The following TTN variants were observed in gnomAD, a reference collection of about 807,000 sequenced individuals.
TTN encodes titin.
TTN carries 1,525 observed loss-of-function variants against 3,223.0 expected under a neutral mutation model. That is an observed-to-expected ratio of 0.47 (90% CI 0.45 to 0.49). TTN has a LOEUF of 0.49. TTN is among the 20% of genes least tolerant of loss of function. The pLI is 0.00. For synonymous variants in TTN, 14,094 were observed against 15,161.0 expected, an observed-to-expected ratio of 0.93 and a Z score of 5.17; for missense variants, 40,786 against 43,424.0, an observed-to-expected ratio of 0.94 and a Z score of 5.40.
At position 178,567,127 on chromosome 2, in the gene TTN, A is replaced by G. The variant is rs1575691834; in HGVS notation, c.79005T>C (p.Thr26335=). ...EKRETSRLAW[T]VVASEVVTNS... ...TGGTCACAACTTCTGAAGCAACAAC[A>G]GTCCAGGCAAGTCGACTGGTTTCTC... Residue 26335 remains threonine (T), a synonymous_variant, in exon 326 of 363, where the codon ACT becomes ACC. Coordinates refer to ENST00000589042, the MANE Select transcript of TTN (RefSeq NM_001267550.2). The G allele has an allele frequency of 6.2e-7, 1 of 1,613,426 alleles. No individual in the cohort carries two copies. The highest frequency in any genetic ancestry group is 1.7e-5 in the Admixed American group (1 of 59,974).
intron 72 of TTN, 42 bp from the exon 73 acceptor site, chr2:178,724,185 A>G (rs1251087579): frequency 6.3e-7 from 1 of 1,585,988 alleles, no homozygotes; most frequent in African/African-American, 1.4e-5. Flanking sequence ...ATTTGAAAGA[A>G]TAGAAGAGAC....
In TTN at chr2:178,544,031, A is replaced by G. The variant is rs1274429401; in HGVS notation, c.96113T>C (p.Val32038Ala). 4 of 1,613,662 alleles carry G rather than the reference A, an allele frequency of 2.5e-6. No individual in the cohort carries two copies. The Admixed American group carries it at 6.7e-5, about 27-fold the overall frequency. ...AGASLRLMVS[V>A]SGRPPPVITW... ...TATGACAGGAGGTGGTCTTCCAGAT[A>G]CAGACACCATCAAGCGCAAGGAGGC... Residue 32038 changes from valine to alanine, a missense_variant, in exon 346 of 363, where the codon GTA becomes GCA. Physicochemically the swap from Val to Ala is moderately conservative, Grantham distance 64. Coordinates refer to ENST00000589042, the MANE Select transcript of TTN (RefSeq NM_001267550.2).
Position 178,565,880 on chromosome 2 carries a change from G to T in TTN, c.80252C>A (p.Ala26751Asp), listed in dbSNP as rs912122514. ...SFKVENLTEG[A>D]IYYFRVMAEN... Reference sequence around the variant, plus strand: ...AGCCATGACTCTGAAGTAATAAATGGCTCCTTCTGTAAGGTTTTCCACTTT... The same window carrying T: ...AGCCATGACTCTGAAGTAATAAATGTCTCCTTCTGTAAGGTTTTCCACTTT... The change falls in exon 326 of 363, where the codon GCC becomes GAC. Residue 26751 changes from alanine to aspartate, a missense_variant. By Grantham distance (126) the Ala-to-Asp change is moderately radical. Transcript: ENST00000589042. 3 of 1,613,588 alleles carry T rather than the reference G, an allele frequency of 1.9e-6. No individual in the cohort carries two copies. Among genetic ancestry groups the T allele is most frequent in the Admixed American group, 1.7e-5 (1 of 59,984 alleles).
Position 178,568,379 on chromosome 2 carries a change from G to C in TTN, c.77753C>G (p.Thr25918Arg). ...GTAGTTGGTGATTTGGCAGCCCCCT[G>C]TATATAATGGAGGGTTCCAAGATAA... Reference protein sequence around the residue: ...ITLSWNPPLYTGGCQITNYIV... With the variant: ...ITLSWNPPLYRGGCQITNYIV... The change falls in exon 326 of 363, where the codon ACA (threonine) becomes AGA (arginine). Residue 25918 changes from threonine to arginine, a missense_variant. Transcript: ENST00000589042. 6.2e-7 allele frequency: 1 copy of C among 1,613,172 alleles called. No homozygotes were observed. The highest frequency in any genetic ancestry group is 8.5e-7 in the Non-Finnish European group (1 of 1,179,514).
intron 354 of TTN, 66 bp from the exon 355 acceptor site, chr2:178,537,983 A>G: frequency 7.4e-7 from 1 of 1,349,922 alleles, no homozygotes; most frequent in Non-Finnish European, 9.9e-7. Context: ...TTGTCCTTGT[A>G]TATCAGGAAT....
chr2:178,635,537 A>T lies in TTN; in HGVS notation c.41787T>A (p.His13929Gln). The change falls in exon 227 of 363, where the codon CAT becomes CAA. Residue 13929 changes from histidine to glutamine, a missense_variant. His to Gln is a conservative substitution (Grantham distance 24). Coordinates refer to ENST00000589042, the MANE Select transcript of TTN (RefSeq NM_001267550.2). Reference protein sequence around the residue: ...DKTEILRDGNHLYLKIKNAMP... With the variant: ...DKTEILRDGNQLYLKIKNAMP... ...TAGCATTCTTAATTTTGAGGTACAG[A>T]TGATTTCCATCTCTCAGTATTTCAG... 1 of 1,596,852 alleles carries T rather than the reference A, an allele frequency of 6.3e-7. No homozygotes were observed. The highest frequency in any genetic ancestry group is 8.5e-7 in the Non-Finnish European group (1 of 1,170,336).
Position 178,601,887 on chromosome 2 carries a change from C to T in TTN, c.55297G>A (p.Ala18433Thr), listed in dbSNP as rs2053557019. ...TTTAATTATTATTTTTTTACCTGTG[C>T]ATCTTCGGGTATGTCATGAACTCCA... ...KDGVHDIPED[A>T]QLETAENSSV... The change falls in exon 285 of 363, where the codon GCA becomes ACA. Residue 18433 changes from alanine to threonine, a missense_variant. By Grantham distance (58) the Ala-to-Thr change is moderately conservative. Coordinates refer to ENST00000589042, the MANE Select transcript of TTN (RefSeq NM_001267550.2). 1 of 1,611,432 alleles carries T rather than the reference C, an allele frequency of 6.2e-7. No individual in the cohort carries two copies. Among genetic ancestry groups the T allele is most frequent in the Non-Finnish European group, 8.5e-7 (1 of 1,178,924 alleles).
rs747477017 is a variant in TTN, at chr2:178,571,519, G to A, written c.74613C>T (p.Cys24871=). The A allele has an allele frequency of 1.1e-5, 18 of 1,613,082 alleles. No homozygotes were observed. Among genetic ancestry groups the A allele is most frequent in the Non-Finnish European group, 1.4e-5 (17 of 1,179,556 alleles). ...GATATTCACATCCAGTCTTCAGTCT[G>A]CAAGCCTTTATTGTTGTCCTTGCAA... is the stretch of plus-strand genomic sequence containing the variant. ...ATVARTTIKA[C]RLKTGCEYQF... is the part of the protein sequence containing the mutation. The change falls in exon 326 of 363, where the codon TGC becomes TGT. Residue 24871 remains cysteine, a synonymous_variant. Coordinates refer to ENST00000589042, the MANE Select transcript of TTN (RefSeq NM_001267550.2).
In TTN at chr2:178,593,984, C is replaced by G; in HGVS notation, c.58409G>C (p.Gly19470Ala). The G allele has an allele frequency of 1.2e-6, 2 of 1,613,432 alleles. No homozygotes were observed. Among genetic ancestry groups the G allele is most frequent in the South Asian group, 2.2e-5 (2 of 90,990 alleles). ...VVENSTGSRKGFCQVNVVDRP... is the reference protein window; with the variant it reads ...VVENSTGSRKAFCQVNVVDRP... The stretch of plus-strand genomic sequence containing the variant: ...ACCAACAACATTAACTTGACAGAAA[C>G]CTTTCCTAGAGCCTGTACTGTTCTC... The change falls in exon 297 of 363, where the codon GGT becomes GCT. Residue 19470 changes from glycine to alanine, a missense_variant. Physicochemically the swap from Gly to Ala is moderately conservative, Grantham distance 60. Transcript: ENST00000589042.
chr2:178,611,588 C>G lies in TTN; in HGVS notation c.50641G>C (p.Gly16881Arg). ...IAWKPPEKNG[G>R]SPIIGYHVEM... The stretch of plus-strand genomic sequence containing the variant: ...ACATGGTATCCTATGATAGGACTTC[C>G]ACCATTTTTCTCTGGAGGCTTCCAA... Residue 16881 changes from glycine (G) to arginine (R), a missense_variant, in exon 269 of 363, where the codon GGA becomes CGA. Coordinates refer to ENST00000589042, the MANE Select transcript of TTN (RefSeq NM_001267550.2). 6.2e-7 allele frequency: 1 copy of G among 1,613,006 alleles called. No homozygotes were observed.
rs1451601178 is a variant in TTN at position 178,528,685 on chromosome 2, T to C, written c.107066A>G (p.Gln35689Arg). The change falls in exon 360 of 363, where the codon CAG (glutamine) becomes CGG (arginine). Residue 35689 changes from glutamine to arginine, a missense_variant. Physicochemically the swap from Gln to Arg is conservative, Grantham distance 43 (BLOSUM62 1). Coordinates refer to ENST00000589042, the MANE Select transcript of TTN (RefSeq NM_001267550.2). ...SKTKEGIVKC[Q>R]YDLTLSKELS... ...TTCTTTGCTCAGTGTCAAATCATAC[T>C]GACACTTGACGATTCCTTCCTTGGT... 1.2e-5 allele frequency: 20 copies of C among 1,613,552 alleles called. No individual in the cohort carries two copies. Among genetic ancestry groups the C allele is most frequent in the Non-Finnish European group, 1.5e-5 (18 of 1,179,704 alleles).
In TTN at chr2:178,614,853, T is replaced by G; in HGVS notation, c.48754A>C (p.Thr16252Pro). 1 of 1,571,756 alleles carries G rather than the reference T, an allele frequency of 6.4e-7. No individual in the cohort carries two copies. The highest frequency in any genetic ancestry group is 8.6e-7 in the Non-Finnish European group (1 of 1,157,154). ...RPTEEIQAVDTQEAPEIFLDV... is the reference protein window; with the variant it reads ...RPTEEIQAVDPQEAPEIFLDV... The stretch of plus-strand genomic sequence containing the variant: ...AAAAATCAAAAATAGATACCTTGTG[T>G]GTCCACAGCCTGGATTTCCTCTGTG... Residue 16252 changes from threonine to proline, a missense_variant, in exon 260 of 363, where the codon ACA (threonine) becomes CCA (proline). Thr to Pro is a conservative substitution (Grantham distance 38). Transcript: ENST00000589042.
At chr2:178,688,266 T>C in intron 126 of TTN, 42 bp from the exon 127 acceptor site, 1 of 1,547,976 alleles carries the variant, frequency 6.5e-7, no homozygotes, top group East Asian at 2.2e-5. Context: ...CCTGCTGAGA[T>C]ACAGATGTAT....
chr2:178,615,598 C>T, intron 258 of TTN, 43 bp downstream of exon 258: 3 of 1,610,486 alleles, frequency 1.9e-6, no homozygotes, highest in African/African-American at 1.3e-5. Context: ...AAAGCAAAAA[C>T]AGGCAACAAG....
chr2:178,586,917 G>T, intron 307 of TTN, 110 bp from the exon 308 acceptor site: 1 of 1,437,614 alleles, frequency 7.0e-7, no homozygotes, highest in Non-Finnish European at 9.5e-7. Flanking sequence ...CATAGAACCT[G>T]TAGTTCAGTA....
Position 178,732,123 on chromosome 2 carries a change from A to G in TTN, c.16846T>C (p.Cys5616Arg). 6.2e-7 allele frequency: 1 copy of G among 1,613,694 alleles called. No homozygotes were observed. The highest frequency in any genetic ancestry group is 8.5e-7 in the Non-Finnish European group (1 of 1,179,706). ...CTGCCAGCCTCATTTTGGGCCTCAC[A>G]CATATATTCACCACTGTCTTCGATG... ...VGIEDSGEYM[C>R]EAQNEAGSDH... The change falls in exon 57 of 363, where the codon TGT becomes CGT. Residue 5616 changes from cysteine to arginine, a missense_variant. Cys to Arg is a radical substitution (Grantham distance 180, BLOSUM62 -3). Coordinates refer to ENST00000589042, the MANE Select transcript of TTN (RefSeq NM_001267550.2).
chr2:178,541,174 A>C, intron 350 of TTN, 108 bp downstream of exon 350: 1 of 1,123,476 alleles, frequency 8.9e-7, no homozygotes, highest in Non-Finnish European at 1.2e-6. Flanking sequence ...TGGTGATTAC[A>C]AAACAGTACA....
At position 178,571,855 on chromosome 2, in the gene TTN, T is replaced by C. The variant is rs1708304015; in HGVS notation, c.74277A>G (p.Thr24759=). Residue 24759 remains threonine (T), a synonymous_variant, in exon 326 of 363, where the codon ACA becomes ACG. Transcript: ENST00000589042. The stretch of plus-strand genomic sequence containing the variant: ...CTGTGCTCTCTGCATTTACTCTAGT[T>C]GTCTGCTTCAGTGGTACATTATCTT... ...WHKDNVPLKQ[T]TRVNAESTEN... The C allele has an allele frequency of 6.2e-7, 1 of 1,613,472 alleles. No homozygotes were observed. Among genetic ancestry groups the C allele is most frequent in the South Asian group, 1.1e-5 (1 of 91,084 alleles).
chr2:178,722,820 T>A lies in TTN; in HGVS notation c.22079A>T (p.Asp7360Val). The A allele has an allele frequency of 1.2e-6, 2 of 1,613,324 alleles. No homozygotes were observed. The highest frequency in any genetic ancestry group is 1.7e-6 in the Non-Finnish European group (2 of 1,179,546). ...TTCAGGAGTTGGCCGTAATTTGGTATCTCCTTTGTACCAAGACACTGTAAT... is the reference window on the plus strand; with the variant it reads ...TTCAGGAGTTGGCCGTAATTTGGTAACTCCTTTGTACCAAGACACTGTAAT... ...PEITVSWYKG[D>V]TKLRPTPEYR... The change falls in exon 76 of 363, where the codon GAT (aspartate) becomes GTT (valine). Residue 7360 changes from aspartate to valine, a missense_variant. Coordinates refer to ENST00000589042, the MANE Select transcript of TTN (RefSeq NM_001267550.2).
Sources: gnomAD v4.1 joint callset for allele counts on GRCh38, gnomAD v4.1.1 for gene constraint, MANE v1.5 for transcripts, NCBI Gene and HGNC (gene_info 2026-07-23, HGNC 2026-07-21) for gene names.